Variants in SHANK2 observed in about 807,000 individuals in gnomAD.
SHANK2 encodes SH3 and multiple ankyrin repeat domains 2.
SHANK2 carries 43 observed loss-of-function variants against 133.7 expected under a neutral mutation model. The ratio of observed to expected loss-of-function variants is 0.32; its 90% CI spans 0.25 to 0.41. The LOEUF is 0.41. SHANK2 is among the 10% of genes least tolerant of loss of function. The pLI is 1.00. For synonymous variants in SHANK2, 1,017 were observed against 952.8 expected (o/e 1.07, Z -1.24); for missense variants, 1,994 against 2,235.8 (o/e 0.89, Z 2.18).
At chr11:71,084,963 C>T (rs1951358887) in intron 8 of SHANK2, among the ~76,000 whole-genome samples, 1 of 152,108 alleles carries the variant, frequency 6.6e-6, no homozygotes, top group South Asian at 2.1e-4. Context: ...GTCCTATACA[C>T]ATTTGACCAT....
intron 11 of SHANK2, among the ~76,000 whole-genome samples, chr11:70,890,131 C>T (rs1009799572): frequency 6.6e-6 from 1 of 152,140 alleles, no homozygotes; most frequent in African/African-American, 2.4e-5. Context: ...GTCATCCCCT[C>T]CCCCAAAGGG....
intron 12 of SHANK2, among the ~76,000 whole-genome samples, chr11:70,810,899 C>T (rs1565332892): frequency 1.3e-5 from 2 of 152,224 alleles, no homozygotes; most frequent in African/African-American, 2.4e-5. Context: ...ATCATCTCAA[C>T]CCCCTCTCCT....
chr11:70,619,611 G>A (rs917228828), intron 17 of SHANK2, among the ~76,000 whole-genome samples: 4 of 152,224 alleles, frequency 2.6e-5, no homozygotes, highest in Non-Finnish European at 4.4e-5. Flanking sequence ...GGATAAGCAC[G>A]TGGACATCTT....
chr11:70,780,685 G>T (rs1171453404), intron 14 of SHANK2, among the ~76,000 whole-genome samples: 1 of 150,244 alleles, frequency 6.7e-6, no homozygotes, highest in Non-Finnish European at 1.5e-5. Flanking sequence ...CGATTCTCCT[G>T]CCTCAGCCTC....
At chr11:70,943,861 C>T (rs1950681920) in intron 10 of SHANK2, 4 of 453,850 alleles carry the variant, frequency 8.8e-6, no homozygotes, top group South Asian at 1.6e-5. Flanking sequence ...CGCCACAGTG[C>T]TTTTTCAGGT....
chr11:71,127,506 C>T (rs1175709252), intron 3 of SHANK2, among the ~76,000 whole-genome samples: 2 of 152,196 alleles, frequency 1.3e-5, no homozygotes, highest in East Asian at 3.9e-4. Flanking sequence ...GCCACAGCCA[C>T]CCCAACCTTC....
intron 10 of SHANK2, among the ~76,000 whole-genome samples, chr11:70,931,910 C>T (rs1950509641): frequency 1.3e-5 from 2 of 152,216 alleles, no homozygotes; most frequent in South Asian, 2.1e-4. Flanking sequence ...CATCCATCTT[C>T]AAGCCTGTAG....
At chr11:71,248,890 G>C (rs1948131641) in intron 1 of SHANK2, among the ~76,000 whole-genome samples, 1 of 152,160 alleles carries the variant, frequency 6.6e-6, no homozygotes, top group African/African-American at 2.4e-5. Context: ...TCACAACACG[G>C]ACTAACTGGA....
intron 10 of SHANK2, among the ~76,000 whole-genome samples, chr11:70,955,458 T>TGTGTGTGTGTGA (rs1950907260): frequency 7.2e-6 from 1 of 139,490 alleles, no homozygotes; most frequent in African/African-American, 2.5e-5. Flanking sequence ...TGTGTGTGTG[T>TGTGTGTGTGTGA]GTGAATGTAC....
chr11:70,544,915 C>T (rs967127304), intron 17 of SHANK2, among the ~76,000 whole-genome samples: 3 of 152,324 alleles, frequency 2.0e-5, no homozygotes, highest in East Asian at 1.9e-4. Context: ...CCAAGGACAC[C>T]GTCGCGGGAC....
chr11:70,869,363 G>T (rs1315769656), intron 11 of SHANK2, among the ~76,000 whole-genome samples: 1 of 152,190 alleles, frequency 6.6e-6, no homozygotes, highest in Non-Finnish European at 1.5e-5. Context: ...CAATGTATCG[G>T]TCCACAGGCC....
chr11:70,730,058 G>A (rs543415538), intron 14 of SHANK2, among the ~76,000 whole-genome samples: 4 of 152,132 alleles, frequency 2.6e-5, no homozygotes, highest in African/African-American at 7.2e-5. Context: ...CAGATGTGTC[G>A]GGCCTGGATG....
At chr11:70,626,452 G>A (rs578204399) in intron 17 of SHANK2, among the ~76,000 whole-genome samples, 1 of 152,118 alleles carries the variant, frequency 6.6e-6, no homozygotes, top group Non-Finnish European at 1.5e-5. Flanking sequence ...GGAGCTTGTC[G>A]GTAAGTCTCA....
At chr11:71,110,115 G>A (rs1555098859) in intron 5 of SHANK2, 66 bp from the exon 6 acceptor site, 1 of 1,196,372 alleles carries the variant, frequency 8.4e-7, no homozygotes, top group African/African-American at 1.5e-5. Context: ...GCAACAAAGT[G>A]AGACCCCGTC....
chr11:70,757,552 C>T (rs1488921665), intron 14 of SHANK2, among the ~76,000 whole-genome samples: 8 of 152,216 alleles, frequency 5.3e-5, no homozygotes, highest in African/African-American at 1.9e-4. Flanking sequence ...AATTGTGGCA[C>T]GTGCCAGGCT....
intron 2 of SHANK2, among the ~76,000 whole-genome samples, chr11:71,204,814 G>A (rs1954095915): frequency 6.6e-6 from 1 of 152,204 alleles, no homozygotes; most frequent in African/African-American, 2.4e-5. Context: ...GGGGGCAGGA[G>A]GCAGGGGTTC....
At chr11:70,873,914 C>T (rs186960295) in intron 11 of SHANK2, among the ~76,000 whole-genome samples, 10 of 152,214 alleles carry the variant, frequency 6.6e-5, no homozygotes, top group African/African-American at 1.9e-4. Flanking sequence ...AGCTCCCGGG[C>T]GTCAGTGACA....
At chr11:70,936,988 G>A (rs1950580284) in intron 10 of SHANK2, among the ~76,000 whole-genome samples, 1 of 152,184 alleles carries the variant, frequency 6.6e-6, no homozygotes, top group Admixed American at 6.5e-5. Context: ...TGATTGGCCT[G>A]ACCTTTTTTG....
chr11:70,851,869 G>A (rs1314587501), intron 11 of SHANK2, among the ~76,000 whole-genome samples: 2 of 152,178 alleles, frequency 1.3e-5, no homozygotes, highest in Non-Finnish European at 2.9e-5. Context: ...GGATGCAAAA[G>A]TCAGAGCCTC....
Sources: gnomAD v4.1 joint callset for allele counts (sites outside exome capture counted in the v4.1 genomes callset) on GRCh38, gnomAD v4.1.1 for gene constraint, MANE v1.5 for transcripts, NCBI Gene and HGNC (gene_info 2026-07-23, HGNC 2026-07-21) for gene names.